The following CLPB variants were observed in gnomAD, a reference collection of about 807,000 sequenced individuals.
CLPB encodes the protein mitochondrial disaggregase.
A neutral mutation model predicts 78.4 loss-of-function variants in CLPB; 40 were observed. The ratio of observed to expected loss-of-function variants is 0.51; its 90% confidence interval spans 0.40 to 0.66. The LOEUF is 0.66. CLPB is among the 30% of genes least tolerant of loss of function. The pLI is 0.00. For missense variants in CLPB, 780 were observed against 886.9 expected (o/e 0.88, Z 1.53); for synonymous variants, 333 against 348.0 (o/e 0.96, Z 0.48).
intron 2 of CLPB, among the ~76,000 whole-genome samples, chr11:72,406,702 A>C (rs1450917072): frequency 2.0e-5 from 3 of 152,224 alleles, no homozygotes; most frequent in African/African-American, 7.2e-5. Context: ...TAATTCAGCA[A>C]AGCTGGCTCT....
At chr11:72,343,943 A>T (rs1344737561) in intron 5 of CLPB, among the ~76,000 whole-genome samples, 1 of 152,198 alleles carries the variant, frequency 6.6e-6, no homozygotes, top group African/African-American at 2.4e-5. Flanking sequence ...TTATGGCCCC[A>T]TTATGACACA....
intron 11 of CLPB, 105 bp from the exon 12 acceptor site, chr11:72,295,753 T>TGTC: frequency 8.9e-7 from 1 of 1,127,876 alleles, no homozygotes; most frequent in South Asian, 1.5e-5. Context: ...CAGAGCCCTG[T>TGTC]GTCTCCCTCC....
intron 4 of CLPB, among the ~76,000 whole-genome samples, chr11:72,378,444 ATGG>A (rs1854788946): frequency 1.3e-5 from 2 of 152,216 alleles, no homozygotes; most frequent in South Asian, 2.1e-4. Context: ...CGAAGCAAAA[ATGG>A]GAAACCCCTA....
chr11:72,294,251 G>T, intron 14 of CLPB, 74 bp downstream of exon 14: 2 of 1,611,692 alleles, frequency 1.2e-6, no homozygotes, highest in African/African-American at 1.3e-5. Flanking sequence ...GTGTGTGGGG[G>T]TGCCCCCAGT....
chr11:72,329,742 C>T lies in CLPB; in HGVS notation c.838G>A (p.Glu280Lys), dbSNP rs889614360. 5.0e-6 allele frequency: 8 copies of T among 1,613,908 alleles called. No individual in the cohort carries two copies. Among genetic ancestry groups the T allele is most frequent in the South Asian group, 4.4e-5 (4 of 91,068 alleles). The change falls in exon 6 of 16, where the codon GAA becomes AAA. Residue 280 changes from glutamate (E) to lysine (K), a missense_variant. Glu to Lys is a moderately conservative substitution (Grantham distance 56). This residue lies in a region of CLPB where 417 missense variants were observed against 414.7 expected (regional missense o/e 1.01). Coordinates refer to ENST00000538039, the MANE Select transcript of CLPB (RefSeq NM_001258392.3). ...HTPLDYAREG[E>K]VMKLLRTSEA... ...GAAGTCCTCAGAAGCTTCATCACTT[C>T]CCCTTCTCGGGCATAATCCAAGGGT...
chr11:72,351,630 G>A (rs1293444245), intron 5 of CLPB, among the ~76,000 whole-genome samples: 2 of 152,148 alleles, frequency 1.3e-5, no homozygotes, highest in Non-Finnish European at 2.9e-5. Flanking sequence ...GGAGTGCAAT[G>A]GCATGATCTT....
chr11:72,408,204 G>T (rs1368694297), intron 2 of CLPB: 1 of 1,534,312 alleles, frequency 6.5e-7, no homozygotes, highest in Non-Finnish European at 8.7e-7. Context: ...GTCTCTTGGG[G>T]CTGAGGTATA....
chr11:72,300,943 TG>T (rs942481098), intron 11 of CLPB, among the ~76,000 whole-genome samples: 28 of 152,144 alleles, frequency 1.8e-4, no homozygotes, highest in Non-Finnish European at 3.5e-4. Flanking sequence ...AACAGTGGTA[TG>T]GGGGGAGAAT....
intron 5 of CLPB, among the ~76,000 whole-genome samples, chr11:72,350,945 A>G (rs1368235710): frequency 6.6e-6 from 1 of 152,226 alleles, no homozygotes; most frequent in East Asian, 1.9e-4. Context: ...ATCTAATTTT[A>G]GAATATTTTC....
At chr11:72,381,498 C>T (rs1854911667) in intron 3 of CLPB, among the ~76,000 whole-genome samples, 1 of 152,172 alleles carries the variant, frequency 6.6e-6, no homozygotes, top group African/African-American at 2.4e-5. Flanking sequence ...TAACATGAGC[C>T]CAGCCCCTAC....
chr11:72,402,866 G>A, intron 3 of CLPB, 100 bp downstream of exon 3: 1 of 911,370 alleles, frequency 1.1e-6, no homozygotes, highest in Admixed American at 2.1e-5. Flanking sequence ...TCCTGCCTCT[G>A]GAAAAGACAG....
chr11:72,349,826 A>G (rs1369399983), intron 5 of CLPB, among the ~76,000 whole-genome samples: 2 of 152,248 alleles, frequency 1.3e-5, no homozygotes, highest in African/African-American at 2.4e-5. Flanking sequence ...GGCTCAGTGC[A>G]GGTGGAGGAG....
At position 72,394,686 on chromosome 11, in the gene CLPB, G is replaced by A. The variant is rs191931962; in HGVS notation, c.542+8280C>T. Reference sequence around the variant, plus strand: ...ACAAAACAGGATTATCTTGAGCAACGATTCCAAATGGGATTAGAAATGACT... The same window carrying A: ...ACAAAACAGGATTATCTTGAGCAACAATTCCAAATGGGATTAGAAATGACT... On this transcript the variant is annotated intron_variant, in intron 3 of 15. Transcript: ENST00000538039. Among the ~76,000 whole-genome samples, 27 of 152,328 alleles carry A rather than the reference G, an allele frequency of 1.8e-4. No individual in the cohort carries two copies. The South Asian group carries it at 4.6e-3, about 26-fold the overall frequency.
At position 72,358,850 on chromosome 11, in the gene CLPB, A is replaced by T. The variant is rs1372981874; in HGVS notation, c.775+30T>A. The T allele has an allele frequency of 1.3e-5, 7 of 534,276 alleles. No homozygotes were observed. In the South Asian group the frequency reaches 2.5e-4, roughly 19 times the overall value. 33.1% of individuals were successfully genotyped at this position (534,276 alleles called of 1,614,324 possible). A position where few individuals can be genotyped will look rare whatever the true frequency, so the allele number is the denominator to read the frequency against. On this transcript the variant is annotated intron_variant, in intron 5 of 15. Coordinates refer to ENST00000538039, the MANE Select transcript of CLPB (RefSeq NM_001258392.3). ...ACCCCACCCCTCTTCCACTTCCCCC[A>T]CCCCACCCCTCCTCCACCTCTGCTC...
At chr11:72,409,082 C>G (rs1017823993) in intron 2 of CLPB, among the ~76,000 whole-genome samples, 1 of 152,194 alleles carries the variant, frequency 6.6e-6, no homozygotes, top group African/African-American at 2.4e-5. Flanking sequence ...GAGTAGAATG[C>G]TTAATTCAGG....
intron 3 of CLPB, among the ~76,000 whole-genome samples, chr11:72,398,624 G>A (rs1216404155): frequency 2.6e-5 from 4 of 152,162 alleles, no homozygotes; most frequent in East Asian, 3.9e-4. Context: ...TGAAGGCTAC[G>A]CTAAGTCACA....
chr11:72,416,894 G>GT (rs1255934889), intron 2 of CLPB, among the ~76,000 whole-genome samples: 2 of 152,172 alleles, frequency 1.3e-5, no homozygotes, highest in African/African-American at 4.8e-5. Flanking sequence ...TAGGTTTGCT[G>GT]TAAGTGATGA....
At position 72,294,662 on chromosome 11, in the gene CLPB, G is replaced by C. The variant is rs771153380; in HGVS notation, c.1518C>G (p.Ile506Met). 6.2e-7 allele frequency: 1 copy of C among 1,614,138 alleles called. No individual in the cohort carries two copies. The highest frequency in any genetic ancestry group is 8.5e-7 in the Non-Finnish European group (1 of 1,179,942). Residue 506 changes from isoleucine to methionine, a missense_variant, in exon 13 of 16, where the codon ATC becomes ATG. This residue lies in a region of CLPB where 272 missense variants were observed against 304.0 expected (regional missense o/e 0.89). Coordinates refer to ENST00000538039, the MANE Select transcript of CLPB (RefSeq NM_001258392.3). ...GDVQISDKIT[I>M]SKNFKENVIR... is the part of the protein sequence containing the mutation. ...TCACATTCTCCTTGAAGTTCTTTGA[G>C]ATGGTGATCTTGTCACTTATCTGGA...
At chr11:72,401,761 C>T (rs759160626) in intron 3 of CLPB, among the ~76,000 whole-genome samples, 8 of 152,224 alleles carry the variant, frequency 5.3e-5, no homozygotes, top group Non-Finnish European at 1.0e-4. Context: ...TACTAAAGTG[C>T]CCACTCTGCT....
Sources: allele counts gnomAD v4.1 joint callset (sites outside exome capture counted in the v4.1 genomes callset), GRCh38; gene constraint gnomAD v4.1.1; regional missense constraint gnomAD v4.1.1; transcripts MANE v1.5; gene names NCBI Gene and HGNC (gene_info 2026-07-23, HGNC 2026-07-21).